The following GPC4 variants were observed in gnomAD, a reference collection of about 807,000 sequenced individuals.
GPC4 encodes the protein glypican-4.
GPC4 carries 10 observed loss-of-function variants against 35.0 expected under a neutral mutation model. The observed-to-expected ratio is 0.29, with a 90% CI of 0.18 to 0.48. GPC4 has a LOEUF of 0.48. GPC4 is among the 20% of genes least tolerant of loss of function. The pLI is 0.99. For missense variants in GPC4, 322 were observed against 451.3 expected (o/e 0.71, Z 2.60); for synonymous variants, 167 against 170.2 (o/e 0.98, Z 0.15).
intron 2 of GPC4, among the ~76,000 whole-genome samples, chrX:133,325,600 G>T (rs1357907848): frequency 9.0e-6 from 1 of 111,674 alleles, no homozygotes. Flanking sequence ...AACACCTCAT[G>T]ATATCAAGTT....
At chrX:133,364,226 A>C (rs5975399) in intron 1 of GPC4, among the ~76,000 whole-genome samples, 2,079 of 111,960 alleles carry the variant, frequency 0.019, 56 homozygotes, top group African/African-American at 0.063. Flanking sequence ...AATCTCAAGA[A>C]TTTCCAAAGT....
chrX:133,371,998 C>T (rs2068614271), intron 1 of GPC4, among the ~76,000 whole-genome samples: 2 of 110,409 alleles, frequency 1.8e-5, no homozygotes, highest in African/African-American at 3.3e-5. Context: ...CTTTAGGAGG[C>T]CGAGGTGGGC....
chrX:133,305,699 C>A, intron 6 of GPC4, 73 bp downstream of exon 6: 1 of 1,163,076 alleles, frequency 8.6e-7, no homozygotes, highest in Non-Finnish European at 1.2e-6. Flanking sequence ...AGCCTTCCAG[C>A]TAAAAATTCA....
At chrX:133,333,198 A>G (rs2068428754) in intron 2 of GPC4, among the ~76,000 whole-genome samples, 1 of 112,463 alleles carries the variant, frequency 8.9e-6, no homozygotes, top group Non-Finnish European at 1.9e-5. Context: ...GCAGTGATGA[A>G]CAACATTCCA....
chrX:133,316,946 T>G (rs11096365), intron 3 of GPC4, among the ~76,000 whole-genome samples: 47,142 of 110,812 alleles, frequency 0.43, 9,326 homozygotes, highest in African/African-American at 0.78. Flanking sequence ...TATAAAACGG[T>G]ACGTAATGTG....
At chrX:133,333,208 A>T (rs956093253) in intron 2 of GPC4, among the ~76,000 whole-genome samples, 4 of 112,422 alleles carry the variant, frequency 3.6e-5, no homozygotes, top group African/African-American at 1.3e-4. Flanking sequence ...ACAACATTCC[A>T]AACTCCCAGG....
At chrX:133,376,958 A>T (rs2068636316) in intron 1 of GPC4, among the ~76,000 whole-genome samples, 1 of 111,940 alleles carries the variant, frequency 8.9e-6, no homozygotes. Context: ...CAACTGGACA[A>T]GCAGAACAGC....
At chrX:133,328,573 A>G (rs1356671991) in intron 2 of GPC4, among the ~76,000 whole-genome samples, 1 of 111,289 alleles carries the variant, frequency 9.0e-6, no homozygotes, top group African/African-American at 3.3e-5. Context: ...CCTGGTCCAC[A>G]GCCATCAATA....
chrX:133,348,807 T>A (rs760009334), intron 1 of GPC4, among the ~76,000 whole-genome samples: 1 of 112,204 alleles, frequency 8.9e-6, no homozygotes, highest in South Asian at 3.8e-4. Context: ...GTTTGTTACA[T>A]AGTGCCTATG....
At chrX:133,347,035 T>C (rs1337702332) in intron 1 of GPC4, among the ~76,000 whole-genome samples, 1 of 110,912 alleles carries the variant, frequency 9.0e-6, no homozygotes, top group Non-Finnish European at 1.9e-5. Context: ...TTATATTAAC[T>C]ATATCCCAAT....
At chrX:133,361,525 A>G (rs1175836609) in intron 1 of GPC4, among the ~76,000 whole-genome samples, 1 of 110,744 alleles carries the variant, frequency 9.0e-6, no homozygotes, top group Non-Finnish European at 1.9e-5. Flanking sequence ...TTCTCTCAAG[A>G]CAACTTGGAC....
intron 1 of GPC4, among the ~76,000 whole-genome samples, chrX:133,372,731 T>C (rs1380622275): frequency 4.5e-5 from 5 of 112,176 alleles, no homozygotes; most frequent in Non-Finnish European, 9.4e-5. Context: ...TAGGATATTT[T>C]AGATAGTTAG....
rs373970651 is a variant in GPC4, at chrX:133,305,913, G to A, written c.1014C>T (p.Phe338=). Reference sequence around the variant, plus strand: ...GGGGCTTGGGGGGTCCACATCCCTGGAAAACCTGCATTAGAGTAAGTGTCG... The same window carrying A: ...GGGGCTTGGGGGGTCCACATCCCTGAAAAACCTGCATTAGAGTAAGTGTCG... ...DNSVQVSQKV[F]QGCGPPKPLP... is the part of the protein sequence containing the mutation. The change falls in exon 6 of 9, where the codon TTC becomes TTT. Residue 338 remains phenylalanine, a synonymous_variant. Transcript: ENST00000370828. 5.8e-6 allele frequency: 7 copies of A among 1,209,217 alleles called. No individual in the cohort carries two copies. Among genetic ancestry groups the A allele is most frequent in the African/African-American group, 1.8e-5 (1 of 56,898 alleles).
chrX:133,357,651 A>G (rs1011728796), intron 1 of GPC4, among the ~76,000 whole-genome samples: 2 of 110,415 alleles, frequency 1.8e-5, no homozygotes, highest in African/African-American at 6.6e-5. Flanking sequence ...GGCTGGGATG[A>G]TAGGCCCACG....
At chrX:133,381,572 G>A (rs1472567313) in intron 1 of GPC4, among the ~76,000 whole-genome samples, 1 of 112,257 alleles carries the variant, frequency 8.9e-6, no homozygotes, top group Non-Finnish European at 1.9e-5. Context: ...ACTCACACAA[G>A]CTGGAACCCT....
intron 7 of GPC4, among the ~76,000 whole-genome samples, chrX:133,303,837 A>G (rs2068278714): frequency 9.2e-6 from 1 of 108,366 alleles, no homozygotes; most frequent in Admixed American, 1.0e-4. Flanking sequence ...CTGAGATTGC[A>G]GTGAGGTTGC....
At chrX:133,372,588 G>C (rs984166990) in intron 1 of GPC4, among the ~76,000 whole-genome samples, 1 of 111,635 alleles carries the variant, frequency 9.0e-6, no homozygotes, top group Non-Finnish European at 1.9e-5. Flanking sequence ...CATAATTGCT[G>C]AACTGGAATT....
intron 1 of GPC4, among the ~76,000 whole-genome samples, chrX:133,395,060 C>T (rs1009951068): frequency 9.0e-6 from 1 of 111,397 alleles, no homozygotes; most frequent in Admixed American, 9.6e-5. Context: ...CCCCAGCTAC[C>T]CGCAAGCCCA....
chrX:133,334,716 G>A (rs778253564), intron 2 of GPC4, among the ~76,000 whole-genome samples: 2 of 111,715 alleles, frequency 1.8e-5, no homozygotes, highest in Non-Finnish European at 3.8e-5. Flanking sequence ...GCAGAACTAG[G>A]ATGATAATTC....
Sources: allele counts gnomAD v4.1 joint callset (sites outside exome capture counted in the v4.1 genomes callset), GRCh38; gene constraint gnomAD v4.1.1; transcripts MANE v1.5; gene names NCBI Gene and HGNC (gene_info 2026-07-23, HGNC 2026-07-21).